Variants in NCKAP5L observed in about 807,000 individuals in gnomAD.
NCKAP5L encodes the protein nck-associated protein 5-like.
In NCKAP5L, 54 loss-of-function variants were observed where a neutral mutation model predicts 103.2. That is an observed-to-expected ratio of 0.52 (90% confidence interval 0.42 to 0.66). The LOEUF is 0.66. NCKAP5L is among the 30% of genes least tolerant of loss of function. The pLI, the probability that NCKAP5L is intolerant of heterozygous loss-of-function variation, is 0.00. For synonymous variants in NCKAP5L, 762 were observed against 748.6 expected, an observed-to-expected ratio of 1.02 and a Z score of -0.29; for missense variants, 1,733 against 1,750.6, an observed-to-expected ratio of 0.99 and a Z score of 0.18.
chr12:49,812,275 T>C (rs1006800687), intron 1 of NCKAP5L, among the ~76,000 whole-genome samples: 5 of 152,224 alleles, frequency 3.3e-5, no homozygotes, highest in Admixed American at 2.6e-4. Context: ...GTGAATTCAA[T>C]CATATCATTG....
At chr12:49,801,445 C>T (rs1388994861) in intron 6 of NCKAP5L, among the ~76,000 whole-genome samples, 1 of 152,152 alleles carries the variant, frequency 6.6e-6, no homozygotes, top group African/African-American at 2.4e-5. Context: ...GTTATCAGAA[C>T]CGAAATGTCT....
In NCKAP5L at chr12:49,798,417, G is replaced by C. The variant is rs1273503868; in HGVS notation, c.398C>G (p.Pro133Arg). Residue 133 changes from proline (P) to arginine (R), a missense_variant, in exon 7 of 13, where the codon CCC (proline) becomes CGC (arginine). Physicochemically the swap from Pro to Arg is moderately radical, Grantham distance 103. Coordinates refer to ENST00000335999, the MANE Select transcript of NCKAP5L (RefSeq NM_001037806.4). ...LQPPSEPPASPSLSSTEGPAA... is the reference protein window; with the variant it reads ...LQPPSEPPASRSLSSTEGPAA... Reference sequence around the variant, plus strand: ...CGGTCCCTCAGTGGAGCTCAGGGAGGGGGAGGCTGGTGGCTCTGATGGTGG... The same window carrying C: ...CGGTCCCTCAGTGGAGCTCAGGGAGCGGGAGGCTGGTGGCTCTGATGGTGG... 7 of 1,581,300 alleles carry C rather than the reference G, an allele frequency of 4.4e-6. No homozygotes were observed. The highest frequency in any genetic ancestry group is 2.3e-5 in the South Asian group (2 of 86,304).
At chr12:49,821,054 G>A (rs950124942) in intron 1 of NCKAP5L, among the ~76,000 whole-genome samples, 2 of 152,198 alleles carry the variant, frequency 1.3e-5, no homozygotes, top group Non-Finnish European at 2.9e-5. Flanking sequence ...TAAGGGTGGG[G>A]TAAGGAGCTC....
chr12:49,808,208 G>A (rs1006450565), intron 1 of NCKAP5L, among the ~76,000 whole-genome samples: 1 of 152,184 alleles, frequency 6.6e-6, no homozygotes, highest in Non-Finnish European at 1.5e-5. Context: ...CAGGAGGCCC[G>A]AGTTCCACTG....
chr12:49,794,607 C>CAT (rs1555147591), intron 8 of NCKAP5L, among the ~76,000 whole-genome samples, 158 bp downstream of exon 8: 1 of 117,680 alleles, frequency 8.5e-6, no homozygotes, highest in African/African-American at 4.0e-5. Flanking sequence ...AGTCACTGAC[C>CAT]CCCCCACCAG....
intron 1 of NCKAP5L, among the ~76,000 whole-genome samples, chr12:49,817,631 A>G (rs897204683): frequency 6.6e-6 from 1 of 152,144 alleles, no homozygotes; most frequent in Non-Finnish European, 1.5e-5. Flanking sequence ...TACTAGATGA[A>G]TGGTTCAGAA....
rs1945979993 is a variant in NCKAP5L, at chr12:49,793,767, G to A, written c.3225C>T (p.Gly1075=). 2 of 1,597,778 alleles carry A rather than the reference G, an allele frequency of 1.3e-6. No homozygotes were observed. The highest frequency in any genetic ancestry group is 8.5e-7 in the Non-Finnish European group (1 of 1,172,050). Residue 1075 remains glycine (G), a synonymous_variant, in exon 9 of 13, where the codon GGC becomes GGT. Coordinates refer to ENST00000335999, the MANE Select transcript of NCKAP5L (RefSeq NM_001037806.4). ...GAGGTTTTCCGCAGCCCTGAAGAGG[G>A]CCCACCAGGCCATTCCGGGGCCCAC... The part of the protein sequence containing the change: ...PACGPRNGLV[G]PLQGCGKPPG...
At chr12:49,822,791 G>A (rs1592764054) in intron 1 of NCKAP5L, among the ~76,000 whole-genome samples, 1 of 151,976 alleles carries the variant, frequency 6.6e-6, no homozygotes, top group Non-Finnish European at 1.5e-5. Context: ...CAAGTGATCC[G>A]CCCACCTTGG....
chr12:49,821,402 C>G (rs2137041469), intron 1 of NCKAP5L, among the ~76,000 whole-genome samples: 1 of 152,340 alleles, frequency 6.6e-6, no homozygotes, highest in East Asian at 1.9e-4. Flanking sequence ...AGAAGGGGGT[C>G]TCCTGTCTTG....
chr12:49,792,726 G>C lies in NCKAP5L; in HGVS notation c.3601C>G (p.Leu1201Val), dbSNP rs754111750. The change falls in exon 11 of 13, where the codon CTG becomes GTG. Residue 1201 changes from leucine to valine, a missense_variant. Transcript: ENST00000335999. The surrounding 1 kb of genome is among the most constrained non-coding windows in gnomAD (Gnocchi z 4.5). ...CGGTGGCCCGGAGCAGCGGGTAGCAGTGCAGGGAAGGCTGGCATGCTGGGG... is the reference window on the plus strand; with the variant it reads ...CGGTGGCCCGGAGCAGCGGGTAGCACTGCAGGGAAGGCTGGCATGCTGGGG... ...RHPSMPAFPA[L>V]LPAAPGHRGH... The C allele has an allele frequency of 6.2e-7, 1 of 1,610,714 alleles. No homozygotes were observed. The highest frequency in any genetic ancestry group is 2.2e-5 in the East Asian group (1 of 44,790).
chr12:49,803,932 C>T lies in NCKAP5L; in HGVS notation c.113G>A (p.Arg38Gln), dbSNP rs773927583. 10 of 1,608,254 alleles carry T rather than the reference C, an allele frequency of 6.2e-6. No homozygotes were observed. Among genetic ancestry groups the T allele is most frequent in the Admixed American group, 3.3e-5 (2 of 59,990 alleles). Reference sequence around the variant, plus strand: ...CGCCCCATGCCGCACCTCCAGCTCCCGCAGTCGGTGCAGAAGCTCCTGGCA... The same window carrying T: ...CGCCCCATGCCGCACCTCCAGCTCCTGCAGTCGGTGCAGAAGCTCCTGGCA... ...GTCQELLHRL[R>Q]ELEAENSALA... is the part of the protein sequence containing the mutation. The change falls in exon 3 of 13, where the codon CGG (arginine) becomes CAG (glutamine). Residue 38 changes from arginine (R) to glutamine (Q), a missense_variant. Arg to Gln is a conservative substitution (Grantham distance 43). Coordinates refer to ENST00000335999, the MANE Select transcript of NCKAP5L (RefSeq NM_001037806.4).
chr12:49,816,423 C>A (rs1946296609), intron 1 of NCKAP5L, among the ~76,000 whole-genome samples: 1 of 140,638 alleles, frequency 7.1e-6, no homozygotes, highest in Non-Finnish European at 1.5e-5. Context: ...GCCCATAGGA[C>A]AAACCATACT....
In NCKAP5L at chr12:49,792,344, A is replaced by C. The variant is rs1482287272; in HGVS notation, c.3792+102T>G. On this transcript the variant is annotated intron_variant, in intron 12 of 12. Transcript: ENST00000335999. The surrounding 1 kb of genome is among the most constrained non-coding windows in gnomAD (Gnocchi z 4.5). ...TCCTCCCAGAGGGTGCAGCACTGAG[A>C]CTGTGCGACACACAGGCCGTACCTT... 1 of 1,552,724 alleles carries C rather than the reference A, an allele frequency of 6.4e-7. No individual in the cohort carries two copies. Among genetic ancestry groups the C allele is most frequent in the Admixed American group, 1.9e-5 (1 of 51,456 alleles).
intron 9 of NCKAP5L, 91 bp downstream of exon 9, chr12:49,793,643 G>A (rs940779099): frequency 2.1e-6 from 3 of 1,432,166 alleles, no homozygotes; most frequent in South Asian, 1.5e-5. Context: ...GGCACTCATG[G>A]TCTTGGGGAA....
In NCKAP5L at chr12:49,797,861, G is replaced by A. The variant is rs781361440; in HGVS notation, c.466-467C>T. Among the ~76,000 whole-genome samples the A allele has an allele frequency of 1.7e-4, 26 of 152,086 alleles. No individual in the cohort carries two copies. Among genetic ancestry groups the A allele is most frequent in the South Asian group, 4.1e-4 (2 of 4,820 alleles). On this transcript the variant is annotated intron_variant, in intron 7 of 12. Coordinates refer to ENST00000335999, the MANE Select transcript of NCKAP5L (RefSeq NM_001037806.4). This position sits in a 1 kb window ranked among gnomAD's most constrained non-coding sequence, Gnocchi z 4.5. ...CTCCTCAGGGAACACAGCTGACCCC[G>A]CTGACCTCATCCCCAGCAGAAAGGG...
At chr12:49,816,434 G>A (rs532875391) in intron 1 of NCKAP5L, among the ~76,000 whole-genome samples, 95 of 147,268 alleles carry the variant, frequency 6.5e-4, no homozygotes, top group African/African-American at 2.0e-3. Flanking sequence ...AAACCATACT[G>A]AGGGTGAGGA....
intron 2 of NCKAP5L, 146 bp from the exon 3 acceptor site, chr12:49,804,226 G>C (rs996529944): frequency 1.6e-6 from 1 of 638,520 alleles, no homozygotes; most frequent in African/African-American, 1.9e-5. Flanking sequence ...TCACGGTCAC[G>C]GGGCAGACAA....
Position 49,802,973 on chromosome 12 carries a change from C to T in NCKAP5L, c.216G>A (p.Ala72=), listed in dbSNP as rs201529298. The change falls in exon 5 of 13, where the codon GCG becomes GCA. Residue 72 remains alanine (A), a synonymous_variant. Coordinates refer to ENST00000335999, the MANE Select transcript of NCKAP5L (RefSeq NM_001037806.4). ...LDEVANHVVQ[A]LLNQKDLREE... The stretch of plus-strand genomic sequence containing the variant: ...GGTTACTCACCTTCTGGTTCAGCAA[C>T]GCCTGTACCACATGGTTGGCAACCT... 108 of 1,614,196 alleles carry T rather than the reference C, an allele frequency of 6.7e-5. No homozygotes were observed. Among genetic ancestry groups the T allele is most frequent in the Admixed American group, 1.8e-4 (11 of 60,022 alleles).
At position 49,791,758 on chromosome 12, in the gene NCKAP5L, G is replaced by A. The variant is rs1025198533; in HGVS notation, c.*81C>T. 12 of 1,318,254 alleles carry A rather than the reference G, an allele frequency of 9.1e-6. No homozygotes were observed. Among genetic ancestry groups the A allele is most frequent in the Middle Eastern group, 4.2e-4 (2 of 4,720 alleles). 81.7% of individuals were successfully genotyped at this position (1,318,254 alleles called of 1,614,324 possible). ...TTGGTCCCTTCAGGGAGGGGTCCCC[G>A]TCTCCGGGGGCTGGGCATGAAGAGA... On this transcript the variant is annotated 3_prime_UTR_variant, in exon 13 of 13. Transcript: ENST00000335999.
Sources: allele counts gnomAD v4.1 joint callset (sites outside exome capture counted in the v4.1 genomes callset), GRCh38; gene constraint gnomAD v4.1.1; non-coding constraint Gnocchi (gnomAD v3.1); transcripts MANE v1.5; gene names NCBI Gene and HGNC (gene_info 2026-07-23, HGNC 2026-07-21).